DCK: variants seen among roughly 807,000 people sequenced by gnomAD.
DCK encodes deoxyadenosine kinase.
A neutral mutation model predicts 38.3 loss-of-function variants in DCK; 23 were observed. The observed-to-expected ratio is 0.60, with a 90% CI of 0.43 to 0.85. DCK has a LOEUF of 0.85. DCK is among the 40% of genes least tolerant of loss of function. The pLI, the probability that DCK is intolerant of heterozygous loss-of-function variation, is 0.00. For missense variants in DCK, 259 were observed against 304.4 expected (o/e 0.85, Z 1.11); for synonymous variants, 108 against 100.6 (o/e 1.07, Z -0.44).
chr4:71,012,703 G>A (rs2148915850), intron 2 of DCK, among the ~76,000 whole-genome samples: 1 of 152,354 alleles, frequency 6.6e-6, no homozygotes, highest in Non-Finnish European at 1.5e-5. Context: ...GCAGCTGAGG[G>A]TCCTGGCTGT....
rs1366739053 is a variant in DCK at position 71,030,108 on chromosome 4, A to G, written c.*730A>G. 4 of 152,606 alleles carry G rather than the reference A, an allele frequency of 2.6e-5. No individual in the cohort carries two copies. Among genetic ancestry groups the G allele is most frequent in the Admixed American group, 6.5e-5 (1 of 15,274 alleles). 9.5% of individuals were successfully genotyped at this position (152,606 alleles called of 1,614,324 possible). On this transcript the variant is annotated 3_prime_UTR_variant, in exon 7 of 7. Coordinates refer to ENST00000286648, the MANE Select transcript of DCK (RefSeq NM_000788.3). ...TTCAGACAAATTACTGATAAAAATGATATTGCTCTATATGTAATATATCCT... is the reference window on the plus strand; with the variant it reads ...TTCAGACAAATTACTGATAAAAATGGTATTGCTCTATATGTAATATATCCT...
intron 2 of DCK, among the ~76,000 whole-genome samples, chr4:71,012,496 CCTAA>C (rs1305111035): frequency 1.3e-5 from 2 of 152,236 alleles, no homozygotes; most frequent in Non-Finnish European, 2.9e-5. Flanking sequence ...CCCCGAATAG[CCTAA>C]CTGAGAGGCA....
At position 70,993,847 on chromosome 4, in the gene DCK, G is replaced by T. The variant is rs1216573105; in HGVS notation, c.12G>T (p.Pro4=). Residue 4 remains proline (P), a synonymous_variant, in exon 1 of 7, where the codon CCG becomes CCT. Coordinates refer to ENST00000286648, the MANE Select transcript of DCK (RefSeq NM_000788.3). ...CACAAGACTAAGGAATGGCCACCCC[G>T]CCCAAGAGAAGCTGCCCGTCTTTCT... The part of the protein sequence containing the change: MAT[P]PKRSCPSFSA... The T allele has an allele frequency of 6.2e-7, 1 of 1,613,508 alleles. No individual in the cohort carries two copies. Among genetic ancestry groups the T allele is most frequent in the Admixed American group, 1.7e-5 (1 of 59,994 alleles).
chr4:70,994,990 TCATG>T (rs1739629714), intron 1 of DCK, among the ~76,000 whole-genome samples: 1 of 152,196 alleles, frequency 6.6e-6, no homozygotes, highest in South Asian at 2.1e-4. Flanking sequence ...TGCTGGTCAT[TCATG>T]CATACAGCAA....
chr4:71,016,812 C>T (rs573499771), intron 2 of DCK, among the ~76,000 whole-genome samples: 4 of 152,302 alleles, frequency 2.6e-5, no homozygotes, highest in Admixed American at 1.3e-4. Context: ...AAATGTTAGA[C>T]CTAAAACCAT....
chr4:71,021,177 G>A lies in DCK; in HGVS notation c.208-1190G>A, dbSNP rs182584265. On this transcript the variant is annotated intron_variant, in intron 2 of 6. Transcript: ENST00000286648. ...TGCAAGCTCCGCTTCCCGGGTTCAC[G>A]CCATTCTCCTGCCTCAGCCTCCCCA... 2.6e-3 allele frequency among the ~76,000 whole-genome samples: 381 copies of A among 148,488 alleles called. 2 individuals carry two copies. The highest frequency in any genetic ancestry group is 9.1e-3 in the African/African-American group (367 of 40,398).
chr4:71,020,002 G>C (rs1004572068), intron 2 of DCK, among the ~76,000 whole-genome samples: 1 of 152,160 alleles, frequency 6.6e-6, no homozygotes, highest in Non-Finnish European at 1.5e-5. Flanking sequence ...TGGCCAAGCT[G>C]GTCTTGAACT....
intron 6 of DCK, chr4:71,028,771 T>TG (rs1176763127): frequency 3.1e-6 from 1 of 321,486 alleles, no homozygotes; most frequent in African/African-American, 2.3e-5. Context: ...TTTTTTTTTT[T>TG]TTTGAGACGG....
Position 70,993,783 on chromosome 4 carries a change from C to A in DCK, c.-53C>A. 7.4e-6 allele frequency: 10 copies of A among 1,348,546 alleles called. No individual in the cohort carries two copies. The South Asian group carries it at 1.1e-4, about 15-fold the overall frequency. 83.5% of individuals were successfully genotyped at this position (1,348,546 alleles called of 1,614,324 possible). ...GAGCTCCAGTGCGCGCACCCGTGGC[C>A]GCCTCCCAGCCCTCTTTGCCGGACG... On this transcript the variant is annotated 5_prime_UTR_variant, in exon 1 of 7. Coordinates refer to ENST00000286648, the MANE Select transcript of DCK (RefSeq NM_000788.3).
At chr4:71,005,924 G>A (rs1352739713) in intron 2 of DCK, among the ~76,000 whole-genome samples, 1 of 151,044 alleles carries the variant, frequency 6.6e-6, no homozygotes, top group Non-Finnish European at 1.5e-5. Context: ...TCAGGAGTTC[G>A]AGACCAGCCT....
At chr4:71,020,737 C>T (rs1198248788) in intron 2 of DCK, among the ~76,000 whole-genome samples, 1 of 151,924 alleles carries the variant, frequency 6.6e-6, no homozygotes, top group Non-Finnish European at 1.5e-5. Context: ...GGATTTTTGC[C>T]TCCCATTCAT....
intron 4 of DCK, among the ~76,000 whole-genome samples, chr4:71,025,328 C>G (rs1578430508): frequency 6.6e-6 from 1 of 152,134 alleles, no homozygotes; most frequent in East Asian, 1.9e-4. Flanking sequence ...TTTGATAATG[C>G]AGATATAGGA....
chr4:71,020,858 A>T (rs543913558), intron 2 of DCK, among the ~76,000 whole-genome samples: 2 of 152,190 alleles, frequency 1.3e-5, no homozygotes, highest in East Asian at 3.9e-4. Flanking sequence ...AATATACAAG[A>T]TGAAGCTCAT....
At position 71,029,792 on chromosome 4, in the gene DCK, A is replaced by T. The variant is rs972339545; in HGVS notation, c.*414A>T. On this transcript the variant is annotated 3_prime_UTR_variant, in exon 7 of 7. Transcript: ENST00000286648. ...ACTGAAAGCTTTAATGTTACATAGT[A>T]AATGGTAGTGTGTCCTGTGTAAATT... The T allele has an allele frequency of 5.7e-6, 1 of 176,110 alleles. No homozygotes were observed. The highest frequency in any genetic ancestry group is 1.2e-5 in the Non-Finnish European group (1 of 83,926). The allele number at this position is 176,110 out of a possible 1,614,324, so 10.9% of individuals were successfully genotyped here.
chr4:71,016,933 G>C (rs185688352), intron 2 of DCK, among the ~76,000 whole-genome samples: 3,559 of 152,254 alleles, frequency 0.023, 137 homozygotes, highest in African/African-American at 0.079. Context: ...ATTGACAAAT[G>C]GGATCTAATT....
At chr4:71,026,952 T>A (rs897076527) in intron 6 of DCK, among the ~76,000 whole-genome samples, 197 bp downstream of exon 6, 1 of 151,726 alleles carries the variant, frequency 6.6e-6, no homozygotes, top group Non-Finnish European at 1.5e-5. Flanking sequence ...AAAATAAAGA[T>A]CCTTCGGAAT....
At chr4:71,015,891 C>G (rs1198245435) in intron 2 of DCK, among the ~76,000 whole-genome samples, 2 of 152,174 alleles carry the variant, frequency 1.3e-5, no homozygotes, top group Non-Finnish European at 2.9e-5. Flanking sequence ...GATGCCCTCT[C>G]TCACCACTCC....
chr4:71,016,767 T>C (rs561332729), intron 2 of DCK, among the ~76,000 whole-genome samples: 2 of 152,300 alleles, frequency 1.3e-5, no homozygotes, highest in South Asian at 2.1e-4. Context: ...CCTTACACCT[T>C]ATACAAAAAT....
At chr4:71,026,355 C>G (rs1196633385) in intron 5 of DCK, among the ~76,000 whole-genome samples, 1 of 152,074 alleles carries the variant, frequency 6.6e-6, no homozygotes, top group Non-Finnish European at 1.5e-5. Flanking sequence ...TTCAGAATGA[C>G]AATTCTGAGC....
Sources: allele counts gnomAD v4.1 joint callset (sites outside exome capture counted in the v4.1 genomes callset), GRCh38; gene constraint gnomAD v4.1.1; transcripts MANE v1.5; gene names NCBI Gene and HGNC (gene_info 2026-07-23, HGNC 2026-07-21).